Variants in OTOA observed in about 807,000 individuals in gnomAD.
OTOA encodes cancer/testis antigen 108.
Under a neutral mutation model 110.8 loss-of-function variants are expected in OTOA, and 70 were observed. The observed-to-expected ratio is 0.63, with a 90% CI of 0.52 to 0.77. The LOEUF (loss-of-function observed/expected upper bound fraction) is 0.77, where lower values mean the gene tolerates loss of function less well. Among genes scored for constraint, OTOA ranks in the 30% least tolerant of loss-of-function variants. OTOA has a pLI of 0.00. For missense variants in OTOA, 917 were observed against 1,075.8 expected (o/e 0.85, Z 2.06); for synonymous variants, 373 against 431.5 (o/e 0.86, Z 1.68).
chr16:21,735,328 G>A (rs1471486068), intron 21 of OTOA, among the ~76,000 whole-genome samples: 1 of 151,732 alleles, frequency 6.6e-6, no homozygotes, highest in Non-Finnish European at 1.5e-5. Context: ...AGCGTGATGG[G>A]GGAGGTGCTA....
intron 1 of OTOA, among the ~76,000 whole-genome samples, chr16:21,667,057 A>G (rs1331740204): frequency 1.3e-5 from 2 of 152,176 alleles, no homozygotes; most frequent in African/African-American, 4.8e-5. Flanking sequence ...AAAGGGTCAA[A>G]GGTTCCCCAA....
intron 1 of OTOA, among the ~76,000 whole-genome samples, chr16:21,672,678 A>G (rs1024117285): frequency 6.6e-6 from 1 of 152,116 alleles, no homozygotes; most frequent in African/African-American, 2.4e-5. Flanking sequence ...GGGGTACATA[A>G]AGATGTTTTG....
intron 18 of OTOA, among the ~76,000 whole-genome samples, chr16:21,724,715 C>A (rs1453583436): frequency 1.3e-5 from 2 of 151,962 alleles, no homozygotes; most frequent in African/African-American, 4.8e-5. Context: ...TTTGATTATC[C>A]CCATTGTCAT....
chr16:21,737,457 C>T (rs1361944409), intron 22 of OTOA, among the ~76,000 whole-genome samples: 1 of 151,408 alleles, frequency 6.6e-6, no homozygotes, highest in Non-Finnish European at 1.5e-5. Flanking sequence ...ACGCTGGCCT[C>T]AGGTGATCCA....
intron 13 of OTOA, among the ~76,000 whole-genome samples, chr16:21,710,715 A>G (rs892291664): frequency 2.6e-5 from 4 of 152,136 alleles, no homozygotes; most frequent in Admixed American, 1.3e-4. Context: ...CAACAATAGC[A>G]CTTACTGCCG....
chr16:21,690,379 G>T (rs149802047), intron 8 of OTOA, among the ~76,000 whole-genome samples: 4,842 of 144,154 alleles, frequency 0.034, 282 homozygotes, highest in African/African-American at 0.12. Flanking sequence ...AGTGTGTGTT[G>T]TTCCCCTCCC....
intron 8 of OTOA, among the ~76,000 whole-genome samples, chr16:21,690,456 G>C (rs1326475111): frequency 6.6e-6 from 1 of 150,888 alleles, no homozygotes; most frequent in Non-Finnish European, 1.5e-5. Context: ...TTCATTTTCT[G>C]TTCCTGCGTT....
intron 8 of OTOA, among the ~76,000 whole-genome samples, chr16:21,688,911 TG>T (rs1357226530): frequency 6.6e-6 from 1 of 152,150 alleles, no homozygotes; most frequent in Non-Finnish European, 1.5e-5. Context: ...AAAAACAATC[TG>T]AGTGTGTTTT....
chr16:21,753,329 G>A (rs1899893013), intron 27 of OTOA, among the ~76,000 whole-genome samples: 1 of 101,862 alleles, frequency 9.8e-6, no homozygotes, highest in African/African-American at 3.4e-5. Context: ...TATTTTTACG[G>A]TCATCTTCTC....
chr16:21,681,759 C>A lies in OTOA; in HGVS notation c.201C>A (p.Asp67Glu). The A allele has an allele frequency of 6.2e-7, 1 of 1,613,960 alleles. No homozygotes were observed. Among genetic ancestry groups the A allele is most frequent in the Non-Finnish European group, 8.5e-7 (1 of 1,179,918 alleles). The change falls in exon 6 of 29, where the codon GAC (aspartate) becomes GAA (glutamate). Residue 67 changes from aspartate to glutamate, a missense_variant. Coordinates refer to ENST00000646100, the MANE Select transcript of OTOA (RefSeq NM_144672.4). ...GAAGCTCCCACGTGTGGACGGATGA[C>A]CTGTCCCACAGAGTCCTGGCCTATC... ...QFQSSHVWTDDLSHRVLAYLN... is the reference protein window; with the variant it reads ...QFQSSHVWTDELSHRVLAYLN...
intron 10 of OTOA, among the ~76,000 whole-genome samples, chr16:21,699,357 C>CAGTAT (rs1567374519): frequency 1.3e-5 from 2 of 152,038 alleles, no homozygotes; most frequent in Non-Finnish European, 2.9e-5. Flanking sequence ...TAGAATGTGC[C>CAGTAT]GGCTGCCGTG....
At chr16:21,670,706 AAAT>A (rs1966847824) in intron 1 of OTOA, among the ~76,000 whole-genome samples, 1 of 152,242 alleles carries the variant, frequency 6.6e-6, no homozygotes, top group Non-Finnish European at 1.5e-5. Flanking sequence ...TGAAAGCATG[AAAT>A]AATTACACAA....
At chr16:21,703,746 A>G (rs1898099281) in intron 11 of OTOA, among the ~76,000 whole-genome samples, 1 of 152,172 alleles carries the variant, frequency 6.6e-6, no homozygotes, top group Non-Finnish European at 1.5e-5. Context: ...GAGAGGGTGG[A>G]GCCAGGCTGA....
chr16:21,674,896 CTTTTTTTTTTTTT>C (rs60269668), intron 1 of OTOA, among the ~76,000 whole-genome samples: 2 of 29,788 alleles, frequency 6.7e-5, no homozygotes, highest in Admixed American at 3.8e-4. Context: ...TTTTAAAAAT[CTTTTTTTTTTTTT>C]TTTTTTTTTT....
At chr16:21,721,368 C>T (rs532991790) in intron 17 of OTOA, 13 of 455,400 alleles carry the variant, frequency 2.9e-5, no homozygotes, top group African/African-American at 2.4e-4. Flanking sequence ...TCTTAGGGGA[C>T]TTTTGGCCAT....
chr16:21,701,010 T>C lies in OTOA; in HGVS notation c.963T>C (p.Asn321=). The change falls in exon 11 of 29, where the codon AAT becomes AAC. Residue 321 remains asparagine (N), a synonymous_variant. Transcript: ENST00000646100. ...GCTCCTCCAACTTTAACATGAGGAATACCTCCACCATCCACAGGCAAGCGC... is the reference window on the plus strand; with the variant it reads ...GCTCCTCCAACTTTAACATGAGGAACACCTCCACCATCCACAGGCAAGCGC... The part of the protein sequence containing the change: ...RISSSNFNMR[N]TSTIHRLGLL... 1 of 1,614,172 alleles carries C rather than the reference T, an allele frequency of 6.2e-7. No homozygotes were observed. Among genetic ancestry groups the C allele is most frequent in the South Asian group, 1.1e-5 (1 of 91,088 alleles).
At chr16:21,667,017 C>T (rs181873882) in intron 1 of OTOA, among the ~76,000 whole-genome samples, 149 of 152,250 alleles carry the variant, frequency 9.8e-4, no homozygotes, top group Middle Eastern at 6.8e-3. Context: ...GCCAATGTCC[C>T]AGGGCAGCTG....
chr16:21,721,256 C>T (rs1487979808), intron 17 of OTOA: 1,378 of 415,120 alleles, frequency 3.3e-3, no homozygotes, highest in South Asian at 7.2e-3. Context: ...CACACACACA[C>T]ACACACACAC....
chr16:21,697,871 T>TAG lies in OTOA; in HGVS notation c.838_839dup (p.Ile281LysfsTer40). ...GAAGAAATTACGAAAATTAGTCCTA[T>TAG]AGAAGTAAGTTGGAAAAGTACATTT... On this transcript the variant is annotated frameshift_variant, in exon 10 of 29. Coordinates refer to ENST00000646100, the MANE Select transcript of OTOA (RefSeq NM_144672.4). LOFTEE classifies it high-confidence loss of function. 1 of 1,612,884 alleles carries TAG rather than the reference T, an allele frequency of 6.2e-7. No homozygotes were observed. Among genetic ancestry groups the TAG allele is most frequent in the Non-Finnish European group, 8.5e-7 (1 of 1,178,920 alleles).
Sources: gnomAD v4.1 joint callset for allele counts (sites outside exome capture counted in the v4.1 genomes callset) on GRCh38, gnomAD v4.1.1 for gene constraint, MANE v1.5 for transcripts, NCBI Gene and HGNC (gene_info 2026-07-23, HGNC 2026-07-21) for gene names.